The following CRY2 variants were observed in gnomAD, a reference collection of about 807,000 sequenced individuals.
The protein encoded by CRY2 is cryptochrome-2.
A neutral mutation model predicts 69.5 loss-of-function variants in CRY2; 31 were observed. The observed-to-expected ratio is 0.45, with a 90% CI of 0.34 to 0.60. CRY2 has a LOEUF of 0.60. Ranked by LOEUF, CRY2 falls within the 20% of genes least tolerant of loss-of-function variation. The pLI is 0.02. For missense variants in CRY2, 606 were observed against 797.8 expected, an observed-to-expected ratio of 0.76 and a Z score of 2.90; for synonymous variants, 303 against 312.2, an observed-to-expected ratio of 0.97 and a Z score of 0.31.
intron 11 of CRY2, among the ~76,000 whole-genome samples, chr11:45,877,046 G>A (rs1383912577): frequency 6.6e-6 from 1 of 152,192 alleles, no homozygotes; most frequent in Non-Finnish European, 1.5e-5. Flanking sequence ...AAAATCAGAA[G>A]TTTAGACTCA....
At position 45,867,601 on chromosome 11, in the gene CRY2, T is replaced by A; in HGVS notation, c.742-11T>A. On this transcript the variant is annotated splice_polypyrimidine_tract_variant and intron_variant, in intron 5 of 11. Coordinates refer to ENST00000616080, the MANE Select transcript of CRY2 (RefSeq NM_021117.5). The stretch of plus-strand genomic sequence containing the variant: ...AGCCTTTCCTTTTGCCACCTTCTCT[T>A]TCTGCTGTAGGCCTGGGTTGCCAAC... 6.2e-7 allele frequency: 1 copy of A among 1,614,112 alleles called. No individual in the cohort carries two copies. The highest frequency in any genetic ancestry group is 8.5e-7 in the Non-Finnish European group (1 of 1,179,936).
chr11:45,863,948 C>T (rs550827732), intron 5 of CRY2, among the ~76,000 whole-genome samples: 2 of 152,222 alleles, frequency 1.3e-5, no homozygotes, highest in South Asian at 4.2e-4. Context: ...AAGCATCTCT[C>T]TATAAAAGTA....
At chr11:45,860,352 G>A (rs1254913997) in intron 3 of CRY2, among the ~76,000 whole-genome samples, 4 of 146,410 alleles carry the variant, frequency 2.7e-5, no homozygotes, top group Admixed American at 1.4e-4. Context: ...TTCCAAGAAA[G>A]GAACATGTCT....
At chr11:45,865,755 G>A (rs1053253625) in intron 5 of CRY2, among the ~76,000 whole-genome samples, 2 of 152,202 alleles carry the variant, frequency 1.3e-5, no homozygotes, top group African/African-American at 4.8e-5. Flanking sequence ...AAAAAAAAGG[G>A]GCAAGAGACA....
upstream of CRY2, chr11:45,847,202 C>T: frequency 1.3e-6 from 2 of 1,549,502 alleles, no homozygotes; most frequent in South Asian, 1.2e-5. Flanking sequence ...CGGCACTCCG[C>T]GGACAGCCCC....
chr11:45,849,736 TCA>T (rs1230745521), intron 1 of CRY2, among the ~76,000 whole-genome samples: 4 of 151,954 alleles, frequency 2.6e-5, no homozygotes, highest in Middle Eastern at 3.4e-3. Flanking sequence ...TTCTCCTGCC[TCA>T]GTCTCCCAAG....
rs1590777117 is a variant in CRY2, at chr11:45,882,367, TG to T, written c.*1459del. On this transcript the variant is annotated 3_prime_UTR_variant, in exon 12 of 12. Coordinates refer to ENST00000616080, the MANE Select transcript of CRY2 (RefSeq NM_021117.5). ...TCACGTGTATCATTAAGCTGGCCTT[TG>T]GGCCTTTTCCTTTCTACCTCCCCTG... 4 of 360,110 alleles carry T rather than the reference TG, an allele frequency of 1.1e-5. No individual in the cohort carries two copies. The East Asian group carries it at 1.6e-4, about 15-fold the overall frequency. 22.3% of individuals were successfully genotyped at this position (360,110 alleles called of 1,614,324 possible). A position where few individuals can be genotyped will look rare whatever the true frequency, so the allele number is the denominator to read the frequency against.
At chr11:45,864,596 G>C (rs2086314469) in intron 5 of CRY2, among the ~76,000 whole-genome samples, 1 of 149,614 alleles carries the variant, frequency 6.7e-6, no homozygotes, top group African/African-American at 2.5e-5. Context: ...TGGGGTCTCA[G>C]AAATAAAAGA....
rs1298286521 is a variant in CRY2, at chr11:45,869,512, C to T, written c.889C>T (p.Arg297Trp). Reference sequence around the variant, plus strand: ...TGCCACCCCTACCTCTCAGGTGAAGCGGAACAGCACACCTCCCCTCTCCCT... The same window carrying T: ...TGCCACCCCTACCTCTCAGGTGAAGTGGAACAGCACACCTCCCCTCTCCCT... ...RLWDLYKKVKRNSTPPLSLFG... is the reference protein window; with the variant it reads ...RLWDLYKKVKWNSTPPLSLFG... The change falls in exon 7 of 12, where the codon CGG (arginine) becomes TGG (tryptophan). Residue 297 changes from arginine to tryptophan, a missense_variant. Physicochemically the swap from Arg to Trp is moderately radical, Grantham distance 101. Coordinates refer to ENST00000616080, the MANE Select transcript of CRY2 (RefSeq NM_021117.5). The T allele has an allele frequency of 6.2e-6, 10 of 1,605,268 alleles. No individual in the cohort carries two copies. The highest frequency in any genetic ancestry group is 5.0e-5 in the Admixed American group (3 of 59,816).
In CRY2 at chr11:45,860,978, G is replaced by C; in HGVS notation, c.598G>C (p.Glu200Gln). ...TSQQMESCRAEIQENHDETYG... is the reference protein window; with the variant it reads ...TSQQMESCRAQIQENHDETYG... ...CCAGCAGATGGAGAGCTGCAGGGCC[G>C]AGATCCAGGAGAACCACGACGAGAC... Residue 200 changes from glutamate to glutamine, a missense_variant, in exon 4 of 12, where the codon GAG (glutamate) becomes CAG (glutamine). Physicochemically the swap from Glu to Gln is conservative, Grantham distance 29. Coordinates refer to ENST00000616080, the MANE Select transcript of CRY2 (RefSeq NM_021117.5). The C allele has an allele frequency of 6.2e-7, 1 of 1,613,974 alleles. No homozygotes were observed. The highest frequency in any genetic ancestry group is 2.2e-5 in the East Asian group (1 of 44,886).
At chr11:45,847,338 A>G, upstream of CRY2, 1 of 1,593,870 alleles carries the variant, frequency 6.3e-7, no homozygotes, top group Admixed American at 1.8e-5. Context: ...CGCCAGGTGG[A>G]AGGCACTCAG....
chr11:45,867,335 A>G, intron 5 of CRY2: 3 of 406,196 alleles, frequency 7.4e-6, no homozygotes, highest in Non-Finnish European at 1.3e-5. Context: ...AGAAGATTGG[A>G]AATTTTGTTC....
At chr11:45,867,775 C>T in intron 6 of CRY2, 23 bp downstream of exon 6, 2 of 1,613,980 alleles carry the variant, frequency 1.2e-6, no homozygotes, top group South Asian at 1.1e-5. Context: ...TACCTGCCCA[C>T]ATTGCACCTA....
chr11:45,856,240 C>T, intron 2 of CRY2, 150 bp downstream of exon 2: 2 of 654,584 alleles, frequency 3.1e-6, no homozygotes, highest in Non-Finnish European at 5.2e-6. Context: ...CAAAGGCAGC[C>T]AGTTAGCTTG....
chr11:45,870,263 G>A (rs1474922347), intron 8 of CRY2, 59 bp downstream of exon 8: 8 of 1,611,764 alleles, frequency 5.0e-6, no homozygotes, highest in Non-Finnish European at 5.9e-6. Context: ...ACTAGGATGG[G>A]ATACCCTGGG....
In CRY2 at chr11:45,847,694, C is replaced by T. The variant is rs770765407; in HGVS notation, c.204C>T (p.Ile68=). The change falls in exon 1 of 12, where the codon ATC becomes ATT. Residue 68 remains isoleucine (I), a synonymous_variant. Transcript: ENST00000616080. Reference sequence around the variant, plus strand: ...TCGCGGCCTCCTCCTCAGTCGGGATCAACCGATGGAGGTGAGGGGACCCGG... The same window carrying T: ...TCGCGGCCTCCTCCTCAGTCGGGATTAACCGATGGAGGTGAGGGGACCCGG... ...PWFAASSSVG[I]NRWRFLLQSL... The T allele has an allele frequency of 7.0e-6, 11 of 1,572,486 alleles. No homozygotes were observed. In the South Asian group the frequency reaches 1.2e-4, roughly 17 times the overall value.
intron 3 of CRY2, 68 bp downstream of exon 3, chr11:45,858,941 G>C (rs74356632): frequency 6.4e-7 from 1 of 1,565,188 alleles, no homozygotes. Context: ...CCTGCTGAGC[G>C]GAACTCAGAG....
intron 1 of CRY2, among the ~76,000 whole-genome samples, chr11:45,854,122 G>C (rs1278171370): frequency 6.6e-6 from 1 of 152,246 alleles, no homozygotes; most frequent in Non-Finnish European, 1.5e-5. Flanking sequence ...GCCTCCAGTA[G>C]TCAGGGAATG....
At chr11:45,854,267 G>A (rs937934838) in intron 1 of CRY2, among the ~76,000 whole-genome samples, 4 of 152,232 alleles carry the variant, frequency 2.6e-5, no homozygotes, top group African/African-American at 9.6e-5. Context: ...TGAAGAAGAA[G>A]ATAAGAATGC....
Sources: gnomAD v4.1 joint callset for allele counts (sites outside exome capture counted in the v4.1 genomes callset) on GRCh38, gnomAD v4.1.1 for gene constraint, MANE v1.5 for transcripts, NCBI Gene and HGNC (gene_info 2026-07-23, HGNC 2026-07-21) for gene names.